NCK2: variants seen among roughly 807,000 people sequenced by gnomAD.
NCK2 encodes the protein cytoplasmic protein NCK2.
A neutral mutation model predicts 33.9 loss-of-function variants in NCK2; 16 were observed. That is an observed-to-expected ratio of 0.47 (90% CI 0.32 to 0.72). The LOEUF is 0.72. Ranked by LOEUF, NCK2 falls within the 30% of genes least tolerant of loss-of-function variation. NCK2 has a pLI of 0.03. For missense variants in NCK2, 418 were observed against 537.3 expected (o/e 0.78, Z 2.19); for synonymous variants, 273 against 239.9 (o/e 1.14, Z -1.27).
chr2:105,877,509 T>C (rs1678288598), intron 3 of NCK2, among the ~76,000 whole-genome samples: 1 of 152,170 alleles, frequency 6.6e-6, no homozygotes, highest in South Asian at 2.1e-4. Context: ...GGCCTGTCAC[T>C]GGTATTACAC....
chr2:105,796,977 GGTGA>G (rs1277153278), intron 1 of NCK2, among the ~76,000 whole-genome samples: 1 of 152,142 alleles, frequency 6.6e-6, no homozygotes, highest in Non-Finnish European at 1.5e-5. Context: ...CCCTAGCTGG[GGTGA>G]GTGTTTGCTG....
chr2:105,794,072 G>A lies in NCK2; in HGVS notation c.-200-22358G>A, dbSNP rs1395131158. Among the ~76,000 whole-genome samples, 9 of 142,708 alleles carry A rather than the reference G, an allele frequency of 6.3e-5. No individual in the cohort carries two copies. In the South Asian group the frequency reaches 8.8e-4, roughly 14 times the overall value. 93.6% of individuals were successfully genotyped at this position (142,708 alleles called of 152,430 possible). Reference sequence around the variant, plus strand: ...TTTTTTTTTTTTTTTTTTTGGAGACGGAATCTTGCTCTGTCGCCCAGGCTG... The same window carrying A: ...TTTTTTTTTTTTTTTTTTTGGAGACAGAATCTTGCTCTGTCGCCCAGGCTG... On this transcript the variant is annotated intron_variant, in intron 1 of 4. Coordinates refer to ENST00000233154, the MANE Select transcript of NCK2 (RefSeq NM_003581.5).
intron 2 of NCK2, among the ~76,000 whole-genome samples, chr2:105,844,566 G>GA (rs1386895596): frequency 9.0e-5 from 11 of 122,548 alleles, no homozygotes; most frequent in South Asian, 5.4e-4. Context: ...ACTAAAAGTA[G>GA]AAAAAAACAA....
chr2:105,864,968 G>A (rs3769500), intron 3 of NCK2, among the ~76,000 whole-genome samples: 29,085 of 151,840 alleles, frequency 0.19, 3,455 homozygotes, highest in East Asian at 0.31. Flanking sequence ...CAAATAACAC[G>A]AGTACCTTCA....
At chr2:105,785,081 C>G (rs1044870590) in intron 1 of NCK2, among the ~76,000 whole-genome samples, 3 of 152,204 alleles carry the variant, frequency 2.0e-5, no homozygotes, top group African/African-American at 4.8e-5. Context: ...TGGGTTCACG[C>G]CATTCTCCTG....
intron 2 of NCK2, among the ~76,000 whole-genome samples, chr2:105,821,028 A>G (rs1461507127): frequency 1.3e-5 from 2 of 152,360 alleles, no homozygotes; most frequent in East Asian, 3.9e-4. Context: ...TGAGCATGAG[A>G]AGATGAAACA....
rs181632341 is a variant in NCK2 at position 105,765,096 on chromosome 2, G to C, written c.-201+19958G>C. Among the ~76,000 whole-genome samples, 135 of 151,910 alleles carry C rather than the reference G, an allele frequency of 8.9e-4. 3 individuals are homozygous for C. Among genetic ancestry groups the C allele is most frequent in the Admixed American group, 8.0e-3 (122 of 15,244 alleles). On this transcript the variant is annotated intron_variant, in intron 1 of 4. Transcript: ENST00000233154. ...TGGTATGGACATCTTTATGGCTCTT[G>C]ATGCATCTTGCCATAACGCCCTTAC... is the stretch of plus-strand genomic sequence containing the variant.
At chr2:105,834,908 G>C (rs4429493) in intron 2 of NCK2, among the ~76,000 whole-genome samples, 141,931 of 152,122 alleles carry the variant, frequency 0.93, 66,295 homozygotes, top group East Asian at 0.98. Flanking sequence ...GAACTCCTGG[G>C]CTCAAGCAAT....
At chr2:105,883,625 C>A (rs939854388) in intron 4 of NCK2, among the ~76,000 whole-genome samples, 8 of 152,138 alleles carry the variant, frequency 5.3e-5, no homozygotes, top group Non-Finnish European at 4.4e-5. Context: ...TTCTGTGGAA[C>A]ATGCACAGGT....
chr2:105,803,148 CT>C lies in NCK2; in HGVS notation c.-200-13281del, dbSNP rs529154656. On this transcript the variant is annotated intron_variant, in intron 1 of 4. Coordinates refer to ENST00000233154, the MANE Select transcript of NCK2 (RefSeq NM_003581.5). Reference sequence around the variant, plus strand: ...AAAGCAAGGTTAGGCTTATTTTCTACTGTATCACAAATTAGTTTTTATCTAA... The same window carrying C: ...AAAGCAAGGTTAGGCTTATTTTCTACGTATCACAAATTAGTTTTTATCTAA... Among the ~76,000 whole-genome samples the C allele has an allele frequency of 2.2e-3, 329 of 152,202 alleles. 1 individual carries two copies. Among genetic ancestry groups the C allele is most frequent in the African/African-American group, 7.2e-3 (298 of 41,518 alleles).
chr2:105,754,670 C>T (rs1318564466), intron 1 of NCK2, among the ~76,000 whole-genome samples: 1 of 151,466 alleles, frequency 6.6e-6, no homozygotes, highest in Non-Finnish European at 1.5e-5. Context: ...AAGCAGCTCC[C>T]CCAACAACTT....
intron 2 of NCK2, among the ~76,000 whole-genome samples, chr2:105,821,497 G>A (rs921142869): frequency 5.9e-5 from 9 of 152,160 alleles, no homozygotes; most frequent in Non-Finnish European, 1.2e-4. Context: ...ACAGTGTACC[G>A]AATATAAAGA....
chr2:105,868,128 G>A (rs375869622), intron 3 of NCK2, among the ~76,000 whole-genome samples: 1 of 152,222 alleles, frequency 6.6e-6, no homozygotes, highest in Non-Finnish European at 1.5e-5. Context: ...CATGGCCCAC[G>A]TGCTGCCTTG....
intron 2 of NCK2, among the ~76,000 whole-genome samples, chr2:105,848,318 G>A (rs569369101): frequency 1.3e-5 from 2 of 152,294 alleles, no homozygotes; most frequent in East Asian, 3.9e-4. Context: ...CTGGCTTTCT[G>A]CAGCTGAAGA....
rs368161463 is a variant in NCK2 at position 105,855,182 on chromosome 2, G to A, written c.119G>A (p.Arg40Gln). The change falls in exon 3 of 5, where the codon CGG becomes CAG. Residue 40 changes from arginine (R) to glutamine (Q), a missense_variant. Coordinates refer to ENST00000233154, the MANE Select transcript of NCK2 (RefSeq NM_003581.5). ...CTGGACGACTCCAAGACGTGGTGGC[G>A]GGTGAGGAACGCGGCCAACAGGACG... is the stretch of plus-strand genomic sequence containing the variant. ...WLLDDSKTWW[R>Q]VRNAANRTGY... is the part of the protein sequence containing the mutation. The A allele has an allele frequency of 6.2e-6, 10 of 1,614,052 alleles. No homozygotes were observed. The highest frequency in any genetic ancestry group is 2.2e-5 in the South Asian group (2 of 91,084).
intron 1 of NCK2, among the ~76,000 whole-genome samples, chr2:105,809,640 G>T (rs1256021010): frequency 6.6e-6 from 1 of 152,118 alleles, no homozygotes; most frequent in African/African-American, 2.4e-5. Flanking sequence ...AATTTTTTTG[G>T]AGGTAGGGCA....
chr2:105,796,566 A>G (rs539342031), intron 1 of NCK2, among the ~76,000 whole-genome samples: 103 of 152,276 alleles, frequency 6.8e-4, no homozygotes, highest in Admixed American at 2.2e-3. Context: ...AGGTGTTCAG[A>G]TCGGCAGCGT....
intron 2 of NCK2, among the ~76,000 whole-genome samples, chr2:105,847,561 G>C (rs1308006614): frequency 6.6e-6 from 1 of 152,092 alleles, no homozygotes; most frequent in Non-Finnish European, 1.5e-5. Flanking sequence ...CCTGGAACAA[G>C]AGCCAGCCAG....
chr2:105,812,739 A>ATTTGG (rs1260922150), intron 1 of NCK2, among the ~76,000 whole-genome samples: 7 of 151,710 alleles, frequency 4.6e-5, no homozygotes, highest in African/African-American at 1.7e-4. Context: ...TGTAACACAG[A>ATTTGG]TTAGATTTGG....
Sources: gnomAD v4.1 joint callset for allele counts (sites outside exome capture counted in the v4.1 genomes callset) on GRCh38, gnomAD v4.1.1 for gene constraint, MANE v1.5 for transcripts, NCBI Gene and HGNC (gene_info 2026-07-23, HGNC 2026-07-21) for gene names.